Variants in WDR17 observed in about 807,000 individuals in gnomAD.
The protein encoded by WDR17 is WD repeat-containing protein 17.
A neutral mutation model predicts 161.7 loss-of-function variants in WDR17; 143 were observed. The observed-to-expected ratio is 0.88, with a 90% CI of 0.77 to 1.02. The LOEUF (loss-of-function observed/expected upper bound fraction) is 1.02, where lower values mean the gene tolerates loss of function less well. Among genes scored for constraint, WDR17 ranks in the 50% least tolerant of loss-of-function variants. The pLI is 0.00. For synonymous variants in WDR17, 517 were observed against 515.6 expected, an observed-to-expected ratio of 1.00 and a Z score of -0.04; for missense variants, 1,469 against 1,520.9, an observed-to-expected ratio of 0.97 and a Z score of 0.57.
At chr4:176,170,309 C>A (rs575795187) in intron 23 of WDR17, among the ~76,000 whole-genome samples, 91 of 136,292 alleles carry the variant, frequency 6.7e-4, no homozygotes, top group African/African-American at 2.4e-3. Flanking sequence ...ATTATTTTTT[C>A]TTTTTTCTTT....
intron 2 of WDR17, among the ~76,000 whole-genome samples, chr4:176,113,803 A>T (rs551831225): frequency 6.6e-6 from 1 of 152,110 alleles, no homozygotes; most frequent in East Asian, 1.9e-4. Flanking sequence ...TATTTTTCTG[A>T]ATGATTAAAT....
intron 22 of WDR17, among the ~76,000 whole-genome samples, chr4:176,168,124 G>A (rs1750157705): frequency 6.6e-6 from 1 of 151,976 alleles, no homozygotes; most frequent in Admixed American, 6.6e-5. Context: ...TCCAGCCTGG[G>A]CGACAGAGGG....
At chr4:176,163,742 A>G (rs1017711927) in intron 22 of WDR17, among the ~76,000 whole-genome samples, 11 of 152,058 alleles carry the variant, frequency 7.2e-5, no homozygotes, top group African/African-American at 1.7e-4. Flanking sequence ...CCTCCCCCAG[A>G]CTCTGGCAAT....
chr4:176,144,097 A>G (rs1745761175), intron 11 of WDR17, among the ~76,000 whole-genome samples: 1 of 152,034 alleles, frequency 6.6e-6, no homozygotes, highest in Admixed American at 6.6e-5. Flanking sequence ...CCCAAGGTTC[A>G]CTTATACTGG....
intron 1 of WDR17, among the ~76,000 whole-genome samples, chr4:176,074,503 C>T (rs1217782386): frequency 6.6e-6 from 1 of 151,922 alleles, no homozygotes; most frequent in Non-Finnish European, 1.5e-5. Flanking sequence ...GTCATCCAGG[C>T]TAAAGTGCAG....
chr4:176,148,064 A>T, intron 12 of WDR17, 69 bp from the exon 13 acceptor site: 1 of 1,344,688 alleles, frequency 7.4e-7, no homozygotes, highest in Non-Finnish European at 1.0e-6. Context: ...ATACTCTATT[A>T]AGAATATGTT....
At chr4:176,173,609 T>C (rs1227567122) in intron 25 of WDR17, among the ~76,000 whole-genome samples, 2 of 152,082 alleles carry the variant, frequency 1.3e-5, no homozygotes, top group African/African-American at 4.8e-5. Context: ...CTCCGCCTCC[T>C]GGGTTCACAC....
In WDR17 at chr4:176,106,632, C is replaced by T. The variant is rs1216066495; in HGVS notation, c.-6-4943C>T. On this transcript the variant is annotated intron_variant, in intron 1 of 28. Transcript: ENST00000508596. ...AGCAAAAAACATGCAAATTGGATTTCATGAAAATTAAAAATTTTGTGCATC... is the reference window on the plus strand; with the variant it reads ...AGCAAAAAACATGCAAATTGGATTTTATGAAAATTAAAAATTTTGTGCATC... Among the ~76,000 whole-genome samples, 3 of 152,152 alleles carry T rather than the reference C, an allele frequency of 2.0e-5. No individual in the cohort carries two copies. In the East Asian group the frequency reaches 5.8e-4, roughly 29 times the overall value.
rs367707196 is a variant in WDR17 at position 176,164,634 on chromosome 4, A to G, written c.2990+1341A>G. On this transcript the variant is annotated intron_variant, in intron 22 of 28. Coordinates refer to ENST00000508596, the MANE Select transcript of WDR17 (RefSeq NM_181265.4). ...AAGCGTTTCAGATGAGGGATACCCA[A>G]CCTGTACCACTTTCTTATCTGCAGC... Among the ~76,000 whole-genome samples the G allele has an allele frequency of 1.1e-4, 16 of 152,284 alleles. No individual in the cohort carries two copies. In the East Asian group the frequency reaches 2.1e-3, roughly 20 times the overall value.
rs397837505 is a variant in WDR17 at position 176,152,294 on chromosome 4, C to CAAAAAAAAAAAAAAAAAAAAAAAA, written c.2460+347_2460+348insAAAAAAAAAAAAAAAAAAAAAAAA. On this transcript the variant is annotated intron_variant, in intron 17 of 28. Coordinates refer to ENST00000508596, the MANE Select transcript of WDR17 (RefSeq NM_181265.4). Reference sequence around the variant, plus strand: ...TGGGCTACAGAAAGAGACCCTATCTCAAAAAAAAAAAAAAAAAAAAGCCTG... The same window carrying CAAAAAAAAAAAAAAAAAAAAAAAA: ...TGGGCTACAGAAAGAGACCCTATCTCAAAAAAAAAAAAAAAAAAAAAAAAAAAAAAAAAAAAAAAAAAAAGCCTG... 5.8e-4 allele frequency among the ~76,000 whole-genome samples: 42 copies of CAAAAAAAAAAAAAAAAAAAAAAAA among 72,140 alleles called. 1 individual carries two copies. Among genetic ancestry groups the CAAAAAAAAAAAAAAAAAAAAAAAA allele is most frequent in the Non-Finnish European group, 9.1e-4 (33 of 36,340 alleles). 47.3% of individuals were successfully genotyped at this position (72,140 alleles called of 152,430 possible).
chr4:176,145,525 G>A (rs1398001696), intron 11 of WDR17, among the ~76,000 whole-genome samples: 5 of 152,164 alleles, frequency 3.3e-5, no homozygotes, highest in Non-Finnish European at 5.9e-5. Context: ...TGAGAATACT[G>A]TTGTTTGTAC....
intron 18 of WDR17, among the ~76,000 whole-genome samples, chr4:176,157,330 T>C (rs530989535): frequency 2.8e-4 from 43 of 152,192 alleles, no homozygotes; most frequent in Non-Finnish European, 4.9e-4. Context: ...TGGCAAAAAA[T>C]CAACTGCTTC....
At chr4:176,067,307 A>G (rs1732656129) in intron 1 of WDR17, among the ~76,000 whole-genome samples, 1 of 152,236 alleles carries the variant, frequency 6.6e-6, no homozygotes, top group Non-Finnish European at 1.5e-5. Context: ...ATTTTGGGAA[A>G]CATCCTTTAC....
chr4:176,130,430 A>C (rs1743164739), intron 6 of WDR17, among the ~76,000 whole-genome samples: 1 of 152,144 alleles, frequency 6.6e-6, no homozygotes, highest in Non-Finnish European at 1.5e-5. Flanking sequence ...AACTAAGAAA[A>C]ATTGTATTTT....
At chr4:176,132,769 A>G (rs1176169699) in intron 7 of WDR17, among the ~76,000 whole-genome samples, 1 of 151,836 alleles carries the variant, frequency 6.6e-6, no homozygotes, top group Non-Finnish European at 1.5e-5. Flanking sequence ...AACTTTTTGT[A>G]TACTTCAAAT....
intron 1 of WDR17, among the ~76,000 whole-genome samples, chr4:176,089,834 T>C (rs1321700310): frequency 6.6e-6 from 1 of 152,090 alleles, no homozygotes; most frequent in East Asian, 1.9e-4. Context: ...CCCTGGTTCC[T>C]AGGGTCAGAA....
intron 1 of WDR17, among the ~76,000 whole-genome samples, chr4:176,073,734 G>A (rs1013676404): frequency 1.3e-5 from 2 of 150,316 alleles, no homozygotes; most frequent in Non-Finnish European, 3.0e-5. Flanking sequence ...GTGTAAAAGT[G>A]TTCCTATTTC....
rs146672596 is a variant in WDR17 at position 176,150,171 on chromosome 4, T to C, written c.2176T>C (p.Ser726Pro). 2 of 1,612,134 alleles carry C rather than the reference T, an allele frequency of 1.2e-6. No homozygotes were observed. The highest frequency in any genetic ancestry group is 1.7e-6 in the Non-Finnish European group (2 of 1,179,732). ...ACTAAGATGGTTCTCAGAATGTTTA[T>C]CTGTAAGTATTACAGGAATTAAATG... is the stretch of plus-strand genomic sequence containing the variant. ...KKLRWFSECLSPPGGSDNLWN... is the reference protein window; with the variant it reads ...KKLRWFSECLPPPGGSDNLWN... Residue 726 changes from serine (S) to proline (P), a missense_variant and splice_region_variant, in exon 15 of 29, where the codon TCT (serine) becomes CCT (proline). By Grantham distance (74) the Ser-to-Pro change is moderately conservative (BLOSUM62 -1). Coordinates refer to ENST00000508596, the MANE Select transcript of WDR17 (RefSeq NM_181265.4).
intron 1 of WDR17, among the ~76,000 whole-genome samples, chr4:176,076,420 T>C (rs962386491): frequency 2.0e-5 from 3 of 149,558 alleles, no homozygotes; most frequent in Non-Finnish European, 4.5e-5. Context: ...TTTTTTTTTT[T>C]TTTTGGCTGC....
Sources: gnomAD v4.1 joint callset for allele counts (sites outside exome capture counted in the v4.1 genomes callset) on GRCh38, gnomAD v4.1.1 for gene constraint, MANE v1.5 for transcripts, NCBI Gene and HGNC (gene_info 2026-07-23, HGNC 2026-07-21) for gene names.